The following ME3 variants were observed in gnomAD, a reference collection of about 807,000 sequenced individuals.
ME3 encodes the protein NADP-dependent malic enzyme, mitochondrial.
In ME3, 48 loss-of-function variants were observed where a neutral mutation model predicts 68.9. The observed-to-expected ratio is 0.70, with a 90% CI of 0.55 to 0.89. The LOEUF (loss-of-function observed/expected upper bound fraction) is 0.89, where lower values mean the gene tolerates loss of function less well. ME3 is among the 40% of genes least tolerant of loss of function. The pLI, the probability that ME3 is intolerant of heterozygous loss-of-function variation, is 0.00. For synonymous variants in ME3, 320 were observed against 318.8 expected (o/e 1.00, Z -0.04); for missense variants, 675 against 797.4 (o/e 0.85, Z 1.85).
chr11:86,587,672 G>A (rs979515594), intron 2 of ME3, among the ~76,000 whole-genome samples: 10 of 152,160 alleles, frequency 6.6e-5, no homozygotes, highest in South Asian at 2.1e-4. Context: ...AGAAAAAGCC[G>A]TCATTCACGG....
intron 2 of ME3, among the ~76,000 whole-genome samples, chr11:86,596,115 T>C (rs1378587608): frequency 2.0e-5 from 3 of 152,278 alleles, no homozygotes; most frequent in Non-Finnish European, 4.4e-5. Flanking sequence ...ACTGCTTTGA[T>C]AGTTCCCTTA....
intron 2 of ME3, among the ~76,000 whole-genome samples, chr11:86,644,873 C>G (rs1434382113): frequency 6.6e-6 from 1 of 152,178 alleles, no homozygotes; most frequent in Non-Finnish European, 1.5e-5. Flanking sequence ...GCTCATCTCA[C>G]TGGGACTGGT....
intron 2 of ME3, among the ~76,000 whole-genome samples, chr11:86,656,640 C>A (rs994839108): frequency 6.6e-6 from 1 of 151,380 alleles, no homozygotes; most frequent in African/African-American, 2.4e-5. Flanking sequence ...GGAGATATAC[C>A]TAATGTTAAA....
At position 86,637,944 on chromosome 11, in the gene ME3, A is replaced by G. The variant is rs554114681; in HGVS notation, c.183+33818T>C. Among the ~76,000 whole-genome samples, 5 of 148,920 alleles carry G rather than the reference A, an allele frequency of 3.4e-5. No individual in the cohort carries two copies. The East Asian group carries it at 1.0e-3, about 30-fold the overall frequency. ...TGAATTTGTGCAAATATATGAATAT[A>G]TATGTGCAGACATGCTCATGCATAC... On this transcript the variant is annotated intron_variant, in intron 2 of 14. Transcript: ENST00000543262.
At chr11:86,637,708 T>G (rs139011482) in intron 2 of ME3, among the ~76,000 whole-genome samples, 278 of 152,170 alleles carry the variant, frequency 1.8e-3, no homozygotes, top group African/African-American at 6.2e-3. Flanking sequence ...CACAGGAAAC[T>G]TTTTAAGAAG....
rs772884876 is a variant in ME3 at position 86,521,519 on chromosome 11, A to G, written c.468-12652T>C. Among the ~76,000 whole-genome samples the G allele has an allele frequency of 7.9e-5, 12 of 152,160 alleles. No individual in the cohort carries two copies. In the South Asian group the frequency reaches 8.3e-4, roughly 11 times the overall value. ...TGGTGTGAGCATTAAATAAAATAAT[A>G]CATGTACAAAGTCAGTCGTAAAGGA... On this transcript the variant is annotated intron_variant, in intron 4 of 14. Coordinates refer to ENST00000543262, the Ensembl canonical transcript of ME3.
chr11:86,622,108 G>A (rs1482543102), intron 2 of ME3, among the ~76,000 whole-genome samples: 2 of 151,972 alleles, frequency 1.3e-5, no homozygotes, highest in African/African-American at 4.8e-5. Flanking sequence ...AATGTAGGTG[G>A]TGCAGGACTT....
At chr11:86,653,183 G>A (rs575301077) in intron 2 of ME3, among the ~76,000 whole-genome samples, 1 of 152,082 alleles carries the variant, frequency 6.6e-6, no homozygotes, top group Admixed American at 6.5e-5. Context: ...TTAGACAGAT[G>A]AACGAGACAG....
chr11:86,601,471 A>T (rs1960645643), intron 2 of ME3, among the ~76,000 whole-genome samples: 3 of 147,982 alleles, frequency 2.0e-5, no homozygotes, highest in African/African-American at 5.0e-5. Flanking sequence ...CTAGCTCACC[A>T]ACCAAAAAGA....
chr11:86,625,124 C>A (rs551653787), intron 2 of ME3, among the ~76,000 whole-genome samples: 8 of 151,974 alleles, frequency 5.3e-5, no homozygotes, highest in African/African-American at 1.9e-4. Context: ...ATAAAATAAC[C>A]AATTACTTAA....
intron 4 of ME3, among the ~76,000 whole-genome samples, chr11:86,526,334 C>T (rs1281166340): frequency 6.6e-6 from 1 of 152,216 alleles, no homozygotes; most frequent in Non-Finnish European, 1.5e-5. Flanking sequence ...AATGCCCACT[C>T]TTGCTGAGGC....
At chr11:86,534,256 C>T (rs934454949) in intron 4 of ME3, among the ~76,000 whole-genome samples, 5 of 152,056 alleles carry the variant, frequency 3.3e-5, no homozygotes, top group African/African-American at 1.2e-4. Flanking sequence ...ACACTGTATA[C>T]TTAGGCTACA....
chr11:86,662,839 C>T (rs1946369200), intron 2 of ME3, among the ~76,000 whole-genome samples: 1 of 152,118 alleles, frequency 6.6e-6, no homozygotes, highest in Non-Finnish European at 1.5e-5. Flanking sequence ...CTTTCAAAAC[C>T]AGAGAAAGAA....
At chr11:86,484,798 C>T (rs1951597330) in intron 7 of ME3, among the ~76,000 whole-genome samples, 1 of 152,206 alleles carries the variant, frequency 6.6e-6, no homozygotes, top group African/African-American at 2.4e-5. Flanking sequence ...TACTTGGAGT[C>T]AGTAGTCCTG....
chr11:86,528,566 C>T (rs1488017798), intron 4 of ME3, among the ~76,000 whole-genome samples: 1 of 152,156 alleles, frequency 6.6e-6, no homozygotes, highest in Non-Finnish European at 1.5e-5. Flanking sequence ...CTTTTCAGCA[C>T]CGTGCCACAC....
intron 4 of ME3, among the ~76,000 whole-genome samples, chr11:86,547,257 A>AT (rs1565934958): frequency 3.3e-5 from 5 of 151,446 alleles, no homozygotes; most frequent in Non-Finnish European, 5.9e-5. Flanking sequence ...AAAAAAAAAA[A>AT]AAAGAAAATG....
chr11:86,448,835 C>G (rs990081847), intron 10 of ME3, among the ~76,000 whole-genome samples: 2 of 152,162 alleles, frequency 1.3e-5, no homozygotes, highest in Admixed American at 6.5e-5. Flanking sequence ...GGTTCAGATG[C>G]TTTTGATGAC....
intron 4 of ME3, among the ~76,000 whole-genome samples, chr11:86,523,170 T>C (rs1003820830): frequency 2.0e-5 from 3 of 152,184 alleles, no homozygotes; most frequent in African/African-American, 7.2e-5. Context: ...TTAGTTGCCA[T>C]ATGTAAAAAG....
chr11:86,621,334 A>C (rs186243920), intron 2 of ME3, among the ~76,000 whole-genome samples: 7 of 152,280 alleles, frequency 4.6e-5, no homozygotes, highest in Admixed American at 4.6e-4. Flanking sequence ...CATGGGATTT[A>C]AGAATAATTA....
Sources: gnomAD v4.1 joint callset for allele counts (sites outside exome capture counted in the v4.1 genomes callset) on GRCh38, gnomAD v4.1.1 for gene constraint, MANE v1.5 for transcripts, NCBI Gene and HGNC (gene_info 2026-07-23, HGNC 2026-07-21) for gene names.